The following KLHL32 variants were observed in gnomAD, a reference collection of about 807,000 sequenced individuals.
KLHL32 encodes the protein kelch like family member 32, also known as kelch-like protein 32.
Under a neutral mutation model 64.8 loss-of-function variants are expected in KLHL32, and 35 were observed. That is an observed-to-expected ratio of 0.54 (90% CI 0.41 to 0.72). The LOEUF is 0.72. KLHL32 is among the 30% of genes least tolerant of loss of function. The pLI, the probability that KLHL32 is intolerant of heterozygous loss-of-function variation, is 0.00. For missense variants in KLHL32, 589 were observed against 768.5 expected, an observed-to-expected ratio of 0.77 and a Z score of 2.76; for synonymous variants, 259 against 281.0, an observed-to-expected ratio of 0.92 and a Z score of 0.78.
At chr6:97,119,793 T>C (rs1372891459) in intron 7 of KLHL32, among the ~76,000 whole-genome samples, 1 of 152,214 alleles carries the variant, frequency 6.6e-6, no homozygotes, top group Non-Finnish European at 1.5e-5. Flanking sequence ...TGTTCACATA[T>C]TTTAGTTCAT....
chr6:97,039,597 G>A (rs997066691), intron 3 of KLHL32, among the ~76,000 whole-genome samples: 1 of 115,330 alleles, frequency 8.7e-6, no homozygotes, highest in Non-Finnish European at 1.8e-5. Context: ...TGAGGCAGGC[G>A]GATCACAAGG....
intron 3 of KLHL32, among the ~76,000 whole-genome samples, chr6:97,034,788 T>C (rs1338306259): frequency 6.6e-6 from 1 of 152,068 alleles, no homozygotes; most frequent in Non-Finnish European, 1.5e-5. Context: ...TTAAATTTCT[T>C]TTTGATGACT....
At chr6:96,963,758 A>C (rs1388287225) in intron 1 of KLHL32, among the ~76,000 whole-genome samples, 1 of 152,192 alleles carries the variant, frequency 6.6e-6, no homozygotes, top group African/African-American at 2.4e-5. Context: ...AAAATCAATA[A>C]ATTCTCTGTT....
intron 1 of KLHL32, among the ~76,000 whole-genome samples, chr6:96,927,595 C>G (rs1769320027): frequency 1.3e-5 from 2 of 152,152 alleles, no homozygotes; most frequent in African/African-American, 4.8e-5. Context: ...TACATTGTCT[C>G]TTTGGTGGAT....
At chr6:97,135,322 T>TTTCC (rs373996278) in intron 10 of KLHL32, among the ~76,000 whole-genome samples, 1 of 112,282 alleles carries the variant, frequency 8.9e-6, no homozygotes, top group African/African-American at 3.5e-5. Context: ...TTTTTTTTTT[T>TTTCC]CCTGAGAGTG....
chr6:97,126,137 G>A (rs1163616740), intron 7 of KLHL32, among the ~76,000 whole-genome samples: 2 of 151,930 alleles, frequency 1.3e-5, no homozygotes, highest in East Asian at 1.9e-4. Context: ...TTTTTTAGTC[G>A]GGCTTAATTT....
At chr6:97,005,185 A>T (rs942238126) in intron 3 of KLHL32, among the ~76,000 whole-genome samples, 1 of 151,970 alleles carries the variant, frequency 6.6e-6, no homozygotes, top group Non-Finnish European at 1.5e-5. Context: ...CAGGATTTCA[A>T]TTTCTTCCTG....
At chr6:96,926,524 G>A (rs1172001739) in intron 1 of KLHL32, among the ~76,000 whole-genome samples, 2 of 152,192 alleles carry the variant, frequency 1.3e-5, no homozygotes, top group Non-Finnish European at 2.9e-5. Flanking sequence ...CTCAAACCTT[G>A]CTGAAGGTCA....
In KLHL32 at chr6:97,114,384, G is replaced by T; in HGVS notation, c.1229G>T (p.Arg410Leu). The T allele has an allele frequency of 1.2e-6, 2 of 1,614,184 alleles. No homozygotes were observed. Among genetic ancestry groups the T allele is most frequent in the South Asian group, 1.1e-5 (1 of 91,086 alleles). The change falls in exon 7 of 11, where the codon CGC becomes CTC. Residue 410 changes from arginine to leucine, a missense_variant. Physicochemically the swap from Arg to Leu is moderately radical, Grantham distance 102. Coordinates refer to ENST00000369261, the MANE Select transcript of KLHL32 (RefSeq NM_052904.4). ...GCAGTTGGGGGCAGAAATGAACTGC[G>T]CCAGGTTCTGCCTACAGTTGAGCGA... ...LYAVGGRNEL[R>L]QVLPTVERYC...
chr6:97,039,512 A>G (rs1784800748), intron 3 of KLHL32, among the ~76,000 whole-genome samples: 1 of 145,752 alleles, frequency 6.9e-6, no homozygotes, highest in African/African-American at 2.7e-5. Flanking sequence ...ACAGTAATCT[A>G]TTGTACACTT....
chr6:97,074,071 G>A (rs374690683), intron 5 of KLHL32, among the ~76,000 whole-genome samples: 15 of 152,144 alleles, frequency 9.9e-5, no homozygotes, highest in Admixed American at 7.2e-4. Context: ...TGAAGGCCTC[G>A]GGTCACACAG....
intron 3 of KLHL32, among the ~76,000 whole-genome samples, chr6:96,987,237 C>T: frequency 6.6e-6 from 1 of 152,114 alleles, no homozygotes; most frequent in Non-Finnish European, 1.5e-5. Flanking sequence ...TTACTTATTT[C>T]TTGCCTTCTG....
intron 2 of KLHL32, among the ~76,000 whole-genome samples, chr6:96,969,451 C>G (rs1774874189): frequency 6.6e-6 from 1 of 152,084 alleles, no homozygotes; most frequent in Non-Finnish European, 1.5e-5. Flanking sequence ...GTTGCTAAAC[C>G]CTTAAGTTCT....
intron 5 of KLHL32, among the ~76,000 whole-genome samples, chr6:97,067,139 G>A (rs1249555363): frequency 6.6e-6 from 1 of 152,170 alleles, no homozygotes; most frequent in Admixed American, 6.5e-5. Flanking sequence ...CTACAAAGCA[G>A]CTCCAAGGGA....
chr6:96,918,775 G>A, the KLHL32 span, among the ~76,000 whole-genome samples: 1 of 152,134 alleles, frequency 6.6e-6, no homozygotes, highest in East Asian at 1.9e-4. Flanking sequence ...GCATTAATTT[G>A]TTTTAAAATA....
intron 7 of KLHL32, among the ~76,000 whole-genome samples, chr6:97,123,635 G>T (rs993358513): frequency 1.3e-5 from 2 of 152,152 alleles, no homozygotes; most frequent in East Asian, 3.8e-4. Context: ...GCTGATATGA[G>T]ATGGCATATT....
chr6:96,937,197 G>T (rs10782170), intron 1 of KLHL32, among the ~76,000 whole-genome samples: 2 of 151,972 alleles, frequency 1.3e-5, no homozygotes, highest in African/African-American at 4.8e-5. Context: ...TTCTGTCACC[G>T]CAAAATGTTC....
At chr6:96,965,800 C>CA (rs1774387526) in intron 1 of KLHL32, among the ~76,000 whole-genome samples, 1 of 152,080 alleles carries the variant, frequency 6.6e-6, no homozygotes, top group African/African-American at 2.4e-5. Context: ...AAATGACACT[C>CA]ACTTTTAGGT....
At chr6:97,107,148 C>T (rs896354607) in intron 6 of KLHL32, among the ~76,000 whole-genome samples, 3 of 151,972 alleles carry the variant, frequency 2.0e-5, no homozygotes, top group African/African-American at 7.3e-5. Flanking sequence ...AAAAAATTAG[C>T]TGGGCGTGGT....
Sources: allele counts gnomAD v4.1 joint callset (sites outside exome capture counted in the v4.1 genomes callset), GRCh38; gene constraint gnomAD v4.1.1; transcripts MANE v1.5; gene names NCBI Gene and HGNC (gene_info 2026-07-23, HGNC 2026-07-21).